The following KCND2 variants were observed in gnomAD, a reference collection of about 807,000 sequenced individuals.
KCND2 encodes potassium voltage-gated channel subfamily D member 2.
Under a neutral mutation model 54.4 loss-of-function variants are expected in KCND2, and 16 were observed. That is an observed-to-expected ratio of 0.29 (90% confidence interval 0.20 to 0.45). The LOEUF (loss-of-function observed/expected upper bound fraction) is 0.45, where lower values mean the gene tolerates loss of function less well. KCND2 is among the 20% of genes least tolerant of loss of function. The probability of loss-of-function intolerance (pLI) is 1.00; values close to 1 mark genes in which losing one functional copy is unlikely to be tolerated. For missense variants in KCND2, 486 were observed against 824.2 expected (o/e 0.59, Z 5.02); for synonymous variants, 317 against 310.7 (o/e 1.02, Z -0.21).
At chr7:120,520,674 A>T (rs1246086174) in intron 1 of KCND2, among the ~76,000 whole-genome samples, 1 of 152,198 alleles carries the variant, frequency 6.6e-6, no homozygotes, top group Non-Finnish European at 1.5e-5. Flanking sequence ...ATGAGACATG[A>T]GGCAAAAGTT....
intron 1 of KCND2, among the ~76,000 whole-genome samples, chr7:120,706,324 A>G (rs1348869394): frequency 6.6e-6 from 1 of 152,190 alleles, no homozygotes; most frequent in Non-Finnish European, 1.5e-5. Context: ...ACAACAGAAT[A>G]TCACAGACTG....
intron 1 of KCND2, among the ~76,000 whole-genome samples, chr7:120,604,927 C>CTCTA (rs1402874461): frequency 6.6e-6 from 1 of 152,166 alleles, no homozygotes; most frequent in African/African-American, 2.4e-5. Context: ...ATTATTCCTA[C>CTCTA]TCTATCCAAT....
chr7:120,484,471 A>T (rs1437980816), intron 1 of KCND2, among the ~76,000 whole-genome samples: 1 of 150,584 alleles, frequency 6.6e-6, no homozygotes, highest in Admixed American at 6.6e-5. Flanking sequence ...TTATTATTAT[A>T]TAATACAAAT....
chr7:120,335,270 G>A (rs1800129489), intron 1 of KCND2, among the ~76,000 whole-genome samples: 1 of 143,322 alleles, frequency 7.0e-6, no homozygotes, highest in Admixed American at 7.4e-5. Flanking sequence ...AGCTGAGGCA[G>A]AAGAATCACT....
rs553719269 is a variant in KCND2 at position 120,613,540 on chromosome 7, G to A, written c.1116-119363G>A. 4.6e-5 allele frequency among the ~76,000 whole-genome samples: 7 copies of A among 152,142 alleles called. No homozygotes were observed. The East Asian group carries it at 1.4e-3, about 29-fold the overall frequency. On this transcript the variant is annotated intron_variant, in intron 1 of 5. Coordinates refer to ENST00000331113, the MANE Select transcript of KCND2 (RefSeq NM_012281.3). ...AGCGAGACTCCATCTTGGGGGGGAAGAAAGGAAAAGAGGGTTGCAACCATT... is the reference window on the plus strand; with the variant it reads ...AGCGAGACTCCATCTTGGGGGGGAAAAAAGGAAAAGAGGGTTGCAACCATT...
At chr7:120,471,972 A>G (rs2116261863) in intron 1 of KCND2, among the ~76,000 whole-genome samples, 1 of 152,010 alleles carries the variant, frequency 6.6e-6, no homozygotes, top group African/African-American at 2.4e-5. Flanking sequence ...TGTGTCAAAG[A>G]TTATCTCAGT....
rs141706844 is a variant in KCND2 at position 120,571,207 on chromosome 7, A to G, written c.1116-161696A>G. Among the ~76,000 whole-genome samples, 51 of 152,316 alleles carry G rather than the reference A, an allele frequency of 3.3e-4. No homozygotes were observed. In the East Asian group the frequency reaches 9.6e-3, roughly 29 times the overall value. ...ATCTGTTCCTAGTTCAGCCTTTACT[A>G]TATTTAGCCTTTATTTGTGACTTAT... is the stretch of plus-strand genomic sequence containing the variant. On this transcript the variant is annotated intron_variant, in intron 1 of 5. Transcript: ENST00000331113.
intron 1 of KCND2, among the ~76,000 whole-genome samples, chr7:120,360,745 C>G (rs1171038616): frequency 6.6e-6 from 1 of 151,900 alleles, no homozygotes; most frequent in Admixed American, 6.6e-5. Flanking sequence ...AATCTTGACG[C>G]CAGTGTTACA....
chr7:120,686,621 G>T (rs1425809196), intron 1 of KCND2, among the ~76,000 whole-genome samples: 1 of 152,170 alleles, frequency 6.6e-6, no homozygotes, highest in Non-Finnish European at 1.5e-5. Flanking sequence ...GGACTTGAGA[G>T]ATTCGAGTGC....
rs533346506 is a variant in KCND2, at chr7:120,367,507, G to A, written c.1115+91760G>A. ...AGAACCTGAAGTTTTAATAAGGCTC[G>A]TAAAGTAGGTGTTGAGGAGGGAGTG... On this transcript the variant is annotated intron_variant, in intron 1 of 5. Transcript: ENST00000331113. 6.6e-5 allele frequency among the ~76,000 whole-genome samples: 10 copies of A among 151,368 alleles called. No individual in the cohort carries two copies. In the East Asian group the frequency reaches 1.7e-3, roughly 26 times the overall value.
intron 1 of KCND2, among the ~76,000 whole-genome samples, chr7:120,695,475 A>T (rs1792322170): frequency 1.3e-5 from 2 of 152,174 alleles, no homozygotes; most frequent in African/African-American, 4.8e-5. Context: ...GTGCCAGTGG[A>T]TTGTCACATA....
At position 120,545,373 on chromosome 7, in the gene KCND2, G is replaced by A. The variant is rs556600784; in HGVS notation, c.1116-187530G>A. On this transcript the variant is annotated intron_variant, in intron 1 of 5. Transcript: ENST00000331113. ...AGATTGGAGAGCCTCAAATTATATG[G>A]AGTTATTTGAGTGTTAAAGTATGCC... is the stretch of plus-strand genomic sequence containing the variant. Among the ~76,000 whole-genome samples the A allele has an allele frequency of 4.7e-4, 71 of 151,966 alleles. 1 individual carries two copies. The highest frequency in any genetic ancestry group is 1.7e-3 in the African/African-American group (70 of 41,520).
chr7:120,664,960 G>T (rs1375109252), intron 1 of KCND2, among the ~76,000 whole-genome samples: 2 of 152,068 alleles, frequency 1.3e-5, no homozygotes, highest in Non-Finnish European at 2.9e-5. Flanking sequence ...TATCTTCAGA[G>T]ATATAGCATA....
At chr7:120,524,369 A>G (rs1791745034) in intron 1 of KCND2, among the ~76,000 whole-genome samples, 1 of 152,216 alleles carries the variant, frequency 6.6e-6, no homozygotes, top group Non-Finnish European at 1.5e-5. Context: ...ATAGCAAAAT[A>G]AATTGTATAA....
At position 120,583,730 on chromosome 7, in the gene KCND2, CT is replaced by C. The variant is rs528016126; in HGVS notation, c.1116-149172del. ...TAGCTCCTTCAAGGTCCTTTGATAT[CT>C]CCAAATAATCACCTTCTGAGATACA... On this transcript the variant is annotated intron_variant, in intron 1 of 5. Coordinates refer to ENST00000331113, the MANE Select transcript of KCND2 (RefSeq NM_012281.3). 2.7e-4 allele frequency among the ~76,000 whole-genome samples: 40 copies of C among 149,460 alleles called. No homozygotes were observed. In the South Asian group the frequency reaches 7.7e-3, roughly 29 times the overall value.
chr7:120,275,187 G>T lies in KCND2; in HGVS notation c.555G>T (p.Leu185=). 6.2e-7 allele frequency: 1 copy of T among 1,613,988 alleles called. No homozygotes were observed. Among genetic ancestry groups the T allele is most frequent in the Non-Finnish European group, 8.5e-7 (1 of 1,180,016 alleles). Residue 185 remains leucine (L), a synonymous_variant, in exon 1 of 6, where the codon CTG becomes CTT. Transcript: ENST00000331113. ...FENPHTSTMA[L]VFYYVTGFFI... The stretch of plus-strand genomic sequence containing the variant: ...ACCCCCACACCAGCACGATGGCCCT[G>T]GTGTTCTACTATGTCACGGGGTTTT...
At chr7:120,404,111 A>G (rs1320169318) in intron 1 of KCND2, among the ~76,000 whole-genome samples, 1 of 152,202 alleles carries the variant, frequency 6.6e-6, no homozygotes, top group African/African-American at 2.4e-5. Flanking sequence ...TTTACTAATA[A>G]TGACATTCTG....
chr7:120,381,299 T>G (rs1800912852), intron 1 of KCND2, among the ~76,000 whole-genome samples: 2 of 151,978 alleles, frequency 1.3e-5, no homozygotes, highest in South Asian at 4.1e-4. Flanking sequence ...ACAACAGATT[T>G]AAAGTTTTGA....
chr7:120,539,777 C>CT (rs926059945), intron 1 of KCND2, among the ~76,000 whole-genome samples: 3 of 151,854 alleles, frequency 2.0e-5, no homozygotes, highest in Admixed American at 6.6e-5. Flanking sequence ...CATAAATCTA[C>CT]TTTTTTTTAG....
Sources: allele counts gnomAD v4.1 joint callset (sites outside exome capture counted in the v4.1 genomes callset), GRCh38; gene constraint gnomAD v4.1.1; transcripts MANE v1.5; gene names NCBI Gene and HGNC (gene_info 2026-07-23, HGNC 2026-07-21).